Variants in ASAP1 observed in about 807,000 individuals in gnomAD.
ASAP1 encodes ArfGAP with SH3 domain, ankyrin repeat and PH domain 1.
ASAP1 carries 43 observed loss-of-function variants against 145.2 expected under a neutral mutation model. The observed-to-expected ratio is 0.30, with a 90% confidence interval of 0.23 to 0.38. The LOEUF (loss-of-function observed/expected upper bound fraction) is 0.38, where lower values mean the gene tolerates loss of function less well. Among genes scored for constraint, ASAP1 ranks in the 10% least tolerant of loss-of-function variants. The pLI, the probability that ASAP1 is intolerant of heterozygous loss-of-function variation, is 1.00. For synonymous variants in ASAP1, 546 were observed against 515.5 expected (o/e 1.06, Z -0.80); for missense variants, 1,018 against 1,355.3 (o/e 0.75, Z 3.91).
intron 3 of ASAP1, among the ~76,000 whole-genome samples, chr8:130,341,643 A>G (rs1450346641): frequency 1.3e-5 from 2 of 152,236 alleles, no homozygotes; most frequent in South Asian, 4.1e-4. Context: ...AATGGGAACC[A>G]GAGCATCACC....
At position 130,435,034 on chromosome 8, in the gene ASAP1, C is replaced by T. The variant is rs114186910; in HGVS notation, c.-28+8426G>A. Among the ~76,000 whole-genome samples the T allele has an allele frequency of 3.2e-3, 483 of 152,334 alleles. 2 individuals carry two copies. The highest frequency in any genetic ancestry group is 0.011 in the African/African-American group (441 of 41,572). On this transcript the variant is annotated intron_variant, in intron 1 of 29. Coordinates refer to ENST00000518721, the MANE Select transcript of ASAP1 (RefSeq NM_018482.4). Reference sequence around the variant, plus strand: ...AAGGCACGTTGGCTGCTGGAAGGCACGCTGTCCCATCGGCCTTGAAGACAA... The same window carrying T: ...AAGGCACGTTGGCTGCTGGAAGGCATGCTGTCCCATCGGCCTTGAAGACAA...
At chr8:130,394,433 A>AC (rs1400816389) in intron 2 of ASAP1, among the ~76,000 whole-genome samples, 2 of 152,130 alleles carry the variant, frequency 1.3e-5, no homozygotes, top group Non-Finnish European at 2.9e-5. Context: ...TTTTGGTCAG[A>AC]CCGGTTGCTC....
At chr8:130,387,082 G>A (rs1828053042) in intron 2 of ASAP1, among the ~76,000 whole-genome samples, 1 of 152,138 alleles carries the variant, frequency 6.6e-6, no homozygotes, top group African/African-American at 2.4e-5. Flanking sequence ...TCTGTAAAAT[G>A]CATTAGCTCA....
At chr8:130,074,169 TTGA>T (rs952474990) in intron 27 of ASAP1, among the ~76,000 whole-genome samples, 5 of 152,098 alleles carry the variant, frequency 3.3e-5, no homozygotes, top group African/African-American at 1.2e-4. Context: ...CACTGGGTAT[TTGA>T]TGATATTAAG....
At chr8:130,291,171 A>G (rs1821923064) in intron 3 of ASAP1, among the ~76,000 whole-genome samples, 1 of 152,226 alleles carries the variant, frequency 6.6e-6, no homozygotes, top group Non-Finnish European at 1.5e-5. Context: ...ATGTAAATGG[A>G]AACATTACAG....
chr8:130,441,982 G>C (rs1266099576), intron 1 of ASAP1, among the ~76,000 whole-genome samples: 1 of 152,086 alleles, frequency 6.6e-6, no homozygotes, highest in Non-Finnish European at 1.5e-5. Context: ...ACAAAAGAAT[G>C]GGATAGGGAA....
intron 28 of ASAP1, among the ~76,000 whole-genome samples, chr8:130,058,740 C>T (rs1386302357): frequency 6.6e-6 from 1 of 152,132 alleles, no homozygotes; most frequent in African/African-American, 2.4e-5. Context: ...TTGCACCTGG[C>T]TAATTGGCAA....
chr8:130,392,111 C>T (rs750533962), intron 2 of ASAP1, among the ~76,000 whole-genome samples: 1 of 152,208 alleles, frequency 6.6e-6, no homozygotes, highest in Admixed American at 6.5e-5. Flanking sequence ...ACTTATATAT[C>T]AACCTTGAGA....
intron 1 of ASAP1, among the ~76,000 whole-genome samples, chr8:130,431,795 GA>G (rs1830143040): frequency 6.7e-6 from 1 of 149,802 alleles, no homozygotes; most frequent in African/African-American, 2.5e-5. Flanking sequence ...ACTTAATACA[GA>G]AAGACAGAGA....
At position 130,169,112 on chromosome 8, in the gene ASAP1, A is replaced by G. The variant is rs750428638; in HGVS notation, c.747-45T>C. 79 of 1,220,958 alleles carry G rather than the reference A, an allele frequency of 6.5e-5. 2 individuals carry two copies. The Middle Eastern group carries it at 7.8e-4, about 12-fold the overall frequency. The allele number at this position is 1,220,958 out of a possible 1,614,324, so 75.6% of individuals were successfully genotyped here. On this transcript the variant is annotated intron_variant, in intron 9 of 29. Transcript: ENST00000518721. ...AGATTTACCACCAGTATAAAAAAAAAAGAGTATTTGTTTCCTTATGTGGAA... is the reference window on the plus strand; with the variant it reads ...AGATTTACCACCAGTATAAAAAAAAGAGAGTATTTGTTTCCTTATGTGGAA...
At chr8:130,131,003 A>T (rs1167056648) in intron 15 of ASAP1, among the ~76,000 whole-genome samples, 1 of 152,132 alleles carries the variant, frequency 6.6e-6, no homozygotes, top group Non-Finnish European at 1.5e-5. Context: ...AAAAACACAA[A>T]AAAATTAGCC....
chr8:130,123,281 T>G (rs887231482), intron 18 of ASAP1, among the ~76,000 whole-genome samples: 1 of 152,220 alleles, frequency 6.6e-6, no homozygotes, highest in African/African-American at 2.4e-5. Flanking sequence ...CATTTTGTAC[T>G]CCCACTGGCA....
chr8:130,356,095 C>A (rs1565240729), intron 3 of ASAP1, among the ~76,000 whole-genome samples: 1 of 152,042 alleles, frequency 6.6e-6, no homozygotes, highest in Non-Finnish European at 1.5e-5. Context: ...AAAATATTTG[C>A]TTTTAAATTT....
At chr8:130,357,606 C>T (rs1326524336) in intron 3 of ASAP1, among the ~76,000 whole-genome samples, 1 of 152,232 alleles carries the variant, frequency 6.6e-6, no homozygotes, top group Non-Finnish European at 1.5e-5. Flanking sequence ...GTTCACTGCC[C>T]ATCTCCTAGT....
chr8:130,232,452 A>C (rs1817960979), intron 4 of ASAP1, among the ~76,000 whole-genome samples: 1 of 152,170 alleles, frequency 6.6e-6, no homozygotes, highest in Admixed American at 6.5e-5. Context: ...AAACTTAGAG[A>C]ACAACACAGG....
chr8:130,422,380 C>G (rs1234632863), intron 1 of ASAP1, among the ~76,000 whole-genome samples: 3 of 152,320 alleles, frequency 2.0e-5, no homozygotes, highest in South Asian at 2.1e-4. Context: ...CTAGCCCTTT[C>G]CAGATGAGGC....
chr8:130,431,824 G>T (rs973765326), intron 1 of ASAP1, among the ~76,000 whole-genome samples: 1 of 149,266 alleles, frequency 6.7e-6, no homozygotes, highest in Non-Finnish European at 1.5e-5. Flanking sequence ...GGAAGAGTAG[G>T]GAGAGGTGAA....
intron 27 of ASAP1, among the ~76,000 whole-genome samples, chr8:130,068,661 G>A (rs1317354707): frequency 1.3e-5 from 2 of 152,178 alleles, no homozygotes; most frequent in Non-Finnish European, 2.9e-5. Context: ...TATTCCTGCG[G>A]TAACTGGCAG....
intron 3 of ASAP1, among the ~76,000 whole-genome samples, chr8:130,357,645 T>C (rs1826407295): frequency 6.6e-6 from 1 of 152,312 alleles, no homozygotes; most frequent in Non-Finnish European, 1.5e-5. Context: ...GCTGCACTAC[T>C]TCGCCTCTGG....
Sources: gnomAD v4.1 joint callset for allele counts (sites outside exome capture counted in the v4.1 genomes callset) on GRCh38, gnomAD v4.1.1 for gene constraint, MANE v1.5 for transcripts, NCBI Gene and HGNC (gene_info 2026-07-23, HGNC 2026-07-21) for gene names.